Variants in HIBADH observed in about 807,000 individuals in gnomAD.
HIBADH encodes 3-hydroxyisobutyrate dehydrogenase, also known as 3-hydroxyisobutyrate dehydrogenase, mitochondrial.
A neutral mutation model predicts 36.1 loss-of-function variants in HIBADH; 25 were observed. The ratio of observed to expected loss-of-function variants is 0.69; its 90% confidence interval spans 0.50 to 0.97. HIBADH has a LOEUF of 0.97. Among genes scored for constraint, HIBADH ranks in the 50% least tolerant of loss-of-function variants. HIBADH has a pLI of 0.00. For missense variants in HIBADH, 421 were observed against 418.0 expected, an observed-to-expected ratio of 1.01 and a Z score of -0.06; for synonymous variants, 160 against 149.5, an observed-to-expected ratio of 1.07 and a Z score of -0.51.
intron 4 of HIBADH, among the ~76,000 whole-genome samples, chr7:27,553,613 G>A (rs1342487107): frequency 6.6e-6 from 1 of 152,130 alleles, no homozygotes; most frequent in Non-Finnish European, 1.5e-5. Context: ...TTTAAAGGGA[G>A]GGCAAATCAG....
intron 4 of HIBADH, among the ~76,000 whole-genome samples, chr7:27,585,959 T>C (rs2128288220): frequency 6.6e-6 from 1 of 152,342 alleles, no homozygotes; most frequent in South Asian, 2.1e-4. Context: ...CATGCTATTC[T>C]ATTCTAATCT....
At chr7:27,605,308 G>T (rs1461453711) in intron 4 of HIBADH, among the ~76,000 whole-genome samples, 4 of 151,864 alleles carry the variant, frequency 2.6e-5, no homozygotes, top group South Asian at 4.2e-4. Context: ...GGAAACTCAA[G>T]AATTTACTTT....
chr7:27,566,325 AT>A (rs1486418764), intron 4 of HIBADH, among the ~76,000 whole-genome samples: 2 of 151,982 alleles, frequency 1.3e-5, no homozygotes, highest in Non-Finnish European at 2.9e-5. Flanking sequence ...TTAACTACAA[AT>A]TCATTCTTTA....
intron 2 of HIBADH, among the ~76,000 whole-genome samples, chr7:27,640,215 C>G (rs1194896303): frequency 6.6e-6 from 1 of 152,172 alleles, no homozygotes; most frequent in Non-Finnish European, 1.5e-5. Context: ...AACTTAGGAA[C>G]TGCCTCTTCT....
chr7:27,652,851 A>G (rs918513344), intron 1 of HIBADH, among the ~76,000 whole-genome samples: 5 of 152,226 alleles, frequency 3.3e-5, no homozygotes, highest in Admixed American at 6.5e-5. Flanking sequence ...AATTTTGGCC[A>G]GGCGCAGCGG....
intron 4 of HIBADH, among the ~76,000 whole-genome samples, chr7:27,572,960 A>G (rs907354243): frequency 1.3e-5 from 2 of 152,208 alleles, no homozygotes; most frequent in Non-Finnish European, 2.9e-5. Flanking sequence ...ACTACAACAG[A>G]AGAGTAAAAG....
At chr7:27,576,687 T>C (rs913232978) in intron 4 of HIBADH, among the ~76,000 whole-genome samples, 1 of 152,212 alleles carries the variant, frequency 6.6e-6, no homozygotes, top group African/African-American at 2.4e-5. Context: ...CTTTTTCCTA[T>C]ACTTAGCTCC....
At chr7:27,563,828 T>G (rs144511605) in intron 4 of HIBADH, among the ~76,000 whole-genome samples, 1 of 152,212 alleles carries the variant, frequency 6.6e-6, no homozygotes, top group African/African-American at 2.4e-5. Context: ...GTTTGCAACA[T>G]TTCTCTTAGG....
chr7:27,543,265 A>T (rs1408257672), intron 4 of HIBADH, among the ~76,000 whole-genome samples, 165 bp from the exon 5 acceptor site: 1 of 152,198 alleles, frequency 6.6e-6, no homozygotes, highest in Non-Finnish European at 1.5e-5. Flanking sequence ...ATATTCAGCA[A>T]TCAAGTATCA....
At chr7:27,633,763 G>A (rs893218123) in intron 2 of HIBADH, among the ~76,000 whole-genome samples, 2 of 151,914 alleles carry the variant, frequency 1.3e-5, no homozygotes, top group Non-Finnish European at 2.9e-5. Context: ...AGACGATCAG[G>A]CAGATTATTG....
intron 4 of HIBADH, among the ~76,000 whole-genome samples, chr7:27,607,795 T>G (rs1785256069): frequency 6.6e-6 from 1 of 152,160 alleles, no homozygotes; most frequent in Non-Finnish European, 1.5e-5. Flanking sequence ...AAATATGCCA[T>G]TAGTGCATAG....
chr7:27,531,152 A>G (rs1417413509), intron 7 of HIBADH, 40 bp downstream of exon 7: 2 of 1,558,084 alleles, frequency 1.3e-6, no homozygotes, highest in African/African-American at 1.4e-5. Context: ...GGACCGTGAA[A>G]CGTTTTTCCT....
intron 4 of HIBADH, among the ~76,000 whole-genome samples, chr7:27,569,379 C>A (rs1784596922): frequency 6.6e-6 from 1 of 152,028 alleles, no homozygotes; most frequent in Admixed American, 6.6e-5. Context: ...AATTTTGTAT[C>A]ATATCATGAA....
At chr7:27,643,176 G>C (rs1323157112) in intron 2 of HIBADH, among the ~76,000 whole-genome samples, 1 of 152,182 alleles carries the variant, frequency 6.6e-6, no homozygotes, top group Non-Finnish European at 1.5e-5. Flanking sequence ...CACATAGAAA[G>C]TTCTCGAGAA....
chr7:27,649,636 G>A lies in HIBADH; in HGVS notation c.92-3C>T. The A allele has an allele frequency of 1.3e-6, 2 of 1,582,430 alleles. No individual in the cohort carries two copies. The highest frequency in any genetic ancestry group is 1.2e-5 in the South Asian group (1 of 84,836). On this transcript the variant is annotated splice_polypyrimidine_tract_variant and splice_region_variant and intron_variant, in intron 1 of 7. Transcript: ENST00000265395. ...TGAAGCCACTGACCTAGAACACACT[G>A]ATTTCAATACATTATTTTCAATAGG...
intron 4 of HIBADH, among the ~76,000 whole-genome samples, chr7:27,586,977 G>T (rs989259501): frequency 6.6e-6 from 1 of 152,188 alleles, no homozygotes; most frequent in African/African-American, 2.4e-5. Flanking sequence ...TCCATGCTGC[G>T]CAACGTGCCA....
At chr7:27,646,689 A>ATTTTTTTT (rs34491908) in intron 2 of HIBADH, among the ~76,000 whole-genome samples, 2 of 74,866 alleles carry the variant, frequency 2.7e-5, no homozygotes, top group African/African-American at 5.9e-5. Flanking sequence ...CACGCCCAGC[A>ATTTTTTTT]TTTTTTTTTT....
At chr7:27,527,772 CG>C (rs1438437535) in intron 7 of HIBADH, among the ~76,000 whole-genome samples, 1 of 38,936 alleles carries the variant, frequency 2.6e-5, no homozygotes, top group Non-Finnish European at 4.8e-5. Context: ...TTTTTTGAGA[CG>C]GAGTTTCTCT....
chr7:27,595,903 GA>G (rs542649948), intron 4 of HIBADH, among the ~76,000 whole-genome samples: 5 of 151,792 alleles, frequency 3.3e-5, no homozygotes, highest in African/African-American at 9.7e-5. Flanking sequence ...TAATTTGGAG[GA>G]AAAAAAGAAA....
Sources: allele counts gnomAD v4.1 joint callset (sites outside exome capture counted in the v4.1 genomes callset), GRCh38; gene constraint gnomAD v4.1.1; transcripts MANE v1.5; gene names NCBI Gene and HGNC (gene_info 2026-07-23, HGNC 2026-07-21).